Variants in SPATA17 observed in about 807,000 individuals in gnomAD.
The protein encoded by SPATA17 is spermatogenesis-associated protein 17.
SPATA17 carries 53 observed loss-of-function variants against 62.2 expected under a neutral mutation model. The observed-to-expected ratio is 0.85, with a 90% CI of 0.68 to 1.07. SPATA17 has a LOEUF of 1.07. Ranked by LOEUF, SPATA17 falls within the 50% of genes least tolerant of loss-of-function variation. The pLI, the probability that SPATA17 is intolerant of heterozygous loss-of-function variation, is 0.00. For missense variants in SPATA17, 466 were observed against 425.5 expected, an observed-to-expected ratio of 1.10 and a Z score of -0.84; for synonymous variants, 146 against 146.8, an observed-to-expected ratio of 0.99 and a Z score of 0.04.
intron 9 of SPATA17, among the ~76,000 whole-genome samples, chr1:217,840,955 A>G (rs968692924): frequency 2.0e-5 from 3 of 152,050 alleles, no homozygotes; most frequent in African/African-American, 7.2e-5. Context: ...TTATATAATG[A>G]TATGTATAGA....
chr1:217,653,206 C>A (rs1670364937), intron 3 of SPATA17, among the ~76,000 whole-genome samples: 1 of 152,160 alleles, frequency 6.6e-6, no homozygotes, highest in Admixed American at 6.5e-5. Flanking sequence ...ACTCAGGAAA[C>A]CTCTTACATT....
At chr1:217,853,674 C>T (rs567796248) in intron 9 of SPATA17, among the ~76,000 whole-genome samples, 3 of 152,284 alleles carry the variant, frequency 2.0e-5, no homozygotes, top group East Asian at 3.9e-4. Context: ...AATAGGATTA[C>T]GTTTCTGCTA....
chr1:217,768,838 C>T (rs967276211), intron 6 of SPATA17, among the ~76,000 whole-genome samples: 1 of 152,088 alleles, frequency 6.6e-6, no homozygotes, highest in Non-Finnish European at 1.5e-5. Flanking sequence ...TTACACAGAA[C>T]GTATACTTTT....
chr1:217,806,366 G>A (rs1674435444), intron 9 of SPATA17, among the ~76,000 whole-genome samples: 2 of 152,096 alleles, frequency 1.3e-5, no homozygotes, highest in Admixed American at 1.3e-4. Context: ...ACAGAATCTA[G>A]AGAGGCGGCC....
intron 3 of SPATA17, among the ~76,000 whole-genome samples, chr1:217,655,132 T>C (rs1670414296): frequency 6.6e-6 from 1 of 152,190 alleles, no homozygotes; most frequent in Admixed American, 6.5e-5. Context: ...TAGCAAAAAA[T>C]CTTTTCCAGG....
intron 8 of SPATA17, among the ~76,000 whole-genome samples, chr1:217,788,893 G>T (rs1019020059): frequency 6.6e-6 from 1 of 152,144 alleles, no homozygotes; most frequent in Admixed American, 6.5e-5. Flanking sequence ...CTTCCTAAAG[G>T]TTTTCAAATC....
intron 9 of SPATA17, among the ~76,000 whole-genome samples, chr1:217,834,949 A>C (rs757533993): frequency 6.6e-6 from 1 of 152,104 alleles, no homozygotes; most frequent in Non-Finnish European, 1.5e-5. Context: ...TTATATGTTT[A>C]GATACATAGA....
intron 1 of SPATA17, among the ~76,000 whole-genome samples, chr1:217,633,266 G>A (rs902537426): frequency 6.6e-6 from 1 of 151,588 alleles, no homozygotes; most frequent in African/African-American, 2.4e-5. Flanking sequence ...GGACAGAAAG[G>A]GAAACAACCA....
chr1:217,663,195 A>G (rs1670608821), intron 3 of SPATA17, among the ~76,000 whole-genome samples: 1 of 152,188 alleles, frequency 6.6e-6, no homozygotes, highest in Non-Finnish European at 1.5e-5. Context: ...CTGTAATCCC[A>G]GCAGTTTGGG....
chr1:217,773,912 A>C (rs1398846362), intron 6 of SPATA17, among the ~76,000 whole-genome samples: 1 of 152,078 alleles, frequency 6.6e-6, no homozygotes, highest in Non-Finnish European at 1.5e-5. Context: ...TTTGTACCTG[A>C]AACTTGATCA....
At chr1:217,831,378 A>C (rs1321392519) in intron 9 of SPATA17, among the ~76,000 whole-genome samples, 1 of 152,136 alleles carries the variant, frequency 6.6e-6, no homozygotes, top group Non-Finnish European at 1.5e-5. Flanking sequence ...TGCTCAATAT[A>C]GAACTCTTCA....
At chr1:217,680,755 C>A (rs954603034) in intron 4 of SPATA17, among the ~76,000 whole-genome samples, 5 of 148,032 alleles carry the variant, frequency 3.4e-5, no homozygotes, top group Admixed American at 6.7e-5. Context: ...TGAAACCCTG[C>A]CTCTATTAAA....
intron 1 of SPATA17, among the ~76,000 whole-genome samples, chr1:217,644,098 A>G (rs926031646): frequency 1.4e-4 from 21 of 152,170 alleles, no homozygotes; most frequent in African/African-American, 5.1e-4. Context: ...TTTGTTTTCC[A>G]TGACTTCTGC....
chr1:217,839,667 A>G (rs1675345814), intron 9 of SPATA17, among the ~76,000 whole-genome samples: 1 of 152,050 alleles, frequency 6.6e-6, no homozygotes, highest in African/African-American at 2.4e-5. Context: ...CACTGTTTCA[A>G]TCTTGCTAAA....
chr1:217,798,916 C>T (rs1674224707), intron 8 of SPATA17, among the ~76,000 whole-genome samples: 1 of 150,114 alleles, frequency 6.7e-6, no homozygotes, highest in Admixed American at 6.7e-5. Flanking sequence ...CACTCTGTCG[C>T]CTAGGCTGGA....
At chr1:217,698,749 T>C (rs565487124) in intron 5 of SPATA17, among the ~76,000 whole-genome samples, 28 of 152,294 alleles carry the variant, frequency 1.8e-4, no homozygotes, top group African/African-American at 6.0e-4. Context: ...GTTAGGTCTA[T>C]GCTAGTTTAT....
At chr1:217,782,014 T>C (rs1673738683) in intron 7 of SPATA17, 160 bp from the exon 8 acceptor site, 2 of 158,928 alleles carry the variant, frequency 1.3e-5, no homozygotes, top group Non-Finnish European at 2.7e-5. Context: ...AAATAAGTGA[T>C]ATTATGTCAT....
chr1:217,688,026 G>A (rs928973330), intron 5 of SPATA17, among the ~76,000 whole-genome samples: 1 of 152,044 alleles, frequency 6.6e-6, no homozygotes, highest in Non-Finnish European at 1.5e-5. Flanking sequence ...GCCCTTCTGT[G>A]CCTCATCTTC....
intron 4 of SPATA17, among the ~76,000 whole-genome samples, chr1:217,672,450 T>A (rs1432816593): frequency 6.6e-6 from 1 of 152,162 alleles, no homozygotes; most frequent in Non-Finnish European, 1.5e-5. Flanking sequence ...AAAACTTTTG[T>A]CTTAATTTTC....
Sources: allele counts gnomAD v4.1 joint callset (sites outside exome capture counted in the v4.1 genomes callset), GRCh38; gene constraint gnomAD v4.1.1; transcripts MANE v1.5; gene names NCBI Gene and HGNC (gene_info 2026-07-23, HGNC 2026-07-21).